Variants in TEKT3 observed in about 807,000 individuals in gnomAD.
TEKT3 encodes tektin 3.
TEKT3 carries 49 observed loss-of-function variants against 49.8 expected under a neutral mutation model. The observed-to-expected ratio is 0.98, with a 90% CI of 0.78 to 1.25. TEKT3 has a LOEUF of 1.25. Ranked by LOEUF, TEKT3 falls within the 50% of genes most tolerant of loss-of-function variation. TEKT3 has a pLI of 0.00. For synonymous variants in TEKT3, 225 were observed against 237.2 expected, an observed-to-expected ratio of 0.95 and a Z score of 0.47; for missense variants, 595 against 629.5, an observed-to-expected ratio of 0.95 and a Z score of 0.59.
At chr17:15,313,281 G>C (rs1483547338) in intron 6 of TEKT3, among the ~76,000 whole-genome samples, 1 of 152,130 alleles carries the variant, frequency 6.6e-6, no homozygotes, top group African/African-American at 2.4e-5. Context: ...TTTCAACTGC[G>C]TGCATTGTAT....
At chr17:15,321,342 T>C (rs1254072102) in intron 4 of TEKT3, among the ~76,000 whole-genome samples, 1 of 152,144 alleles carries the variant, frequency 6.6e-6, no homozygotes, top group Non-Finnish European at 1.5e-5. Flanking sequence ...TTAAATAATG[T>C]CATATGATGA....
Position 15,308,838 on chromosome 17 carries a change from C to T in TEKT3, c.1102-20G>A. ...CAGGGTCTGTGACAAAGAGAAGCAA[C>T]TGCCTGAGGCTTTGGTGTGGTCCCT... On this transcript the variant is annotated intron_variant, in intron 7 of 8. Coordinates refer to ENST00000395930, the MANE Select transcript of TEKT3 (RefSeq NM_031898.3). 6.2e-7 allele frequency: 1 copy of T among 1,609,642 alleles called. No homozygotes were observed. The highest frequency in any genetic ancestry group is 8.5e-7 in the Non-Finnish European group (1 of 1,176,354).
intron 1 of TEKT3, among the ~76,000 whole-genome samples, chr17:15,340,867 TA>T (rs1308621951): frequency 2.6e-5 from 4 of 152,226 alleles, no homozygotes; most frequent in African/African-American, 7.2e-5. Flanking sequence ...TAAAACTGTA[TA>T]TTTTTTTCAC....
intron 2 of TEKT3, among the ~76,000 whole-genome samples, chr17:15,338,011 G>C (rs987541683): frequency 1.3e-5 from 2 of 152,126 alleles, no homozygotes; most frequent in Non-Finnish European, 2.9e-5. Flanking sequence ...CAGTCAAGGA[G>C]ATATAGCAAT....
At chr17:15,314,498 G>A (rs1356587921) in intron 5 of TEKT3, among the ~76,000 whole-genome samples, 1 of 152,154 alleles carries the variant, frequency 6.6e-6, no homozygotes. Flanking sequence ...AGATAAACAG[G>A]GGTCCAGGAT....
chr17:15,321,384 A>C (rs2150743132), intron 4 of TEKT3, among the ~76,000 whole-genome samples: 1 of 152,340 alleles, frequency 6.6e-6, no homozygotes, highest in South Asian at 2.1e-4. Context: ...AAGGGTTCAC[A>C]AGAATACAAA....
At chr17:15,315,774 A>G (rs1910977870) in intron 5 of TEKT3, among the ~76,000 whole-genome samples, 1 of 152,202 alleles carries the variant, frequency 6.6e-6, no homozygotes, top group Admixed American at 6.5e-5. Context: ...TGAAAGAGAC[A>G]TCTAGGCTAG....
At chr17:15,340,913 A>C (rs1912200743) in intron 1 of TEKT3, among the ~76,000 whole-genome samples, 1 of 152,182 alleles carries the variant, frequency 6.6e-6, no homozygotes, top group African/African-American at 2.4e-5. Flanking sequence ...CATTTCCAGG[A>C]TGTTTATTTC....
At chr17:15,329,202 T>C (rs1413422130) in intron 3 of TEKT3, among the ~76,000 whole-genome samples, 1 of 152,252 alleles carries the variant, frequency 6.6e-6, no homozygotes, top group Non-Finnish European at 1.5e-5. Context: ...ATTTAATTTG[T>C]ATTTTATCAT....
chr17:15,306,091 G>A (rs2323654), intron 8 of TEKT3, among the ~76,000 whole-genome samples: 69,920 of 130,624 alleles, frequency 0.54, 16,863 homozygotes, highest in African/African-American at 0.62. Context: ...TTATATATAT[G>A]TGTGTGTGTG....
chr17:15,334,548 C>T (rs536660197), intron 2 of TEKT3, among the ~76,000 whole-genome samples: 1 of 152,300 alleles, frequency 6.6e-6, no homozygotes, highest in East Asian at 1.9e-4. Context: ...GAGGTTTACA[C>T]ACCAGATGAG....
At chr17:15,317,977 C>CTTTTTT (rs371718658) in intron 5 of TEKT3, among the ~76,000 whole-genome samples, 1 of 137,528 alleles carries the variant, frequency 7.3e-6, no homozygotes, top group East Asian at 2.2e-4. Context: ...GGTCGGATCT[C>CTTTTTT]TTTTTTTTTT....
rs752522832 is a variant in TEKT3, at chr17:15,331,262, T to C, written c.324A>G (p.Gln108=). The C allele has an allele frequency of 1.9e-6, 3 of 1,614,106 alleles. No homozygotes were observed. The African/African-American group carries it at 4.0e-5, about 22-fold the overall frequency. The change falls in exon 3 of 9, where the codon CAA becomes CAG. Residue 108 remains glutamine, a synonymous_variant. Transcript: ENST00000395930. The part of the protein sequence containing the change: ...DWYRSNLTNY[Q]ESNTSRHNSE... ...AATTATGTCGGGAAGTGTTGGACTC[T>C]TGATAGTTGGTTAAATTGGACCTGT... is the stretch of plus-strand genomic sequence containing the variant.
At chr17:15,319,294 T>C (rs1911152525) in intron 4 of TEKT3, 147 bp from the exon 5 acceptor site, 2 of 632,110 alleles carry the variant, frequency 3.2e-6, no homozygotes, top group Non-Finnish European at 5.4e-6. Flanking sequence ...CTTCCACTTA[T>C]TTATCTACAT....
intron 1 of TEKT3, among the ~76,000 whole-genome samples, chr17:15,341,315 A>G (rs1322090678): frequency 6.6e-6 from 1 of 152,158 alleles, no homozygotes; most frequent in African/African-American, 2.4e-5. Context: ...AAGGTAAATT[A>G]CGAGGAAACC....
At chr17:15,327,690 C>T (rs1911548373) in intron 4 of TEKT3, 5 of 306,230 alleles carry the variant, frequency 1.6e-5, no homozygotes, top group South Asian at 1.1e-4. Context: ...AAAGATGCAA[C>T]GGAATGGTAG....
intron 2 of TEKT3, among the ~76,000 whole-genome samples, chr17:15,339,673 A>T (rs1159342173): frequency 2.6e-5 from 4 of 152,226 alleles, no homozygotes; most frequent in African/African-American, 9.6e-5. Context: ...TGCAGAAGAC[A>T]CAAGTTTACA....
intron 2 of TEKT3, among the ~76,000 whole-genome samples, chr17:15,334,698 TCA>T (rs1911913261): frequency 6.6e-6 from 1 of 152,212 alleles, no homozygotes; most frequent in Non-Finnish European, 1.5e-5. Context: ...GTAGAACTCC[TCA>T]TGTACGGCAG....
At chr17:15,309,185 A>T (rs768353986) in intron 7 of TEKT3, among the ~76,000 whole-genome samples, 2 of 152,174 alleles carry the variant, frequency 1.3e-5, no homozygotes, top group African/African-American at 2.4e-5. Flanking sequence ...ATTACTGACC[A>T]GCACACCTCT....
Sources: gnomAD v4.1 joint callset for allele counts (sites outside exome capture counted in the v4.1 genomes callset) on GRCh38, gnomAD v4.1.1 for gene constraint, MANE v1.5 for transcripts, NCBI Gene and HGNC (gene_info 2026-07-23, HGNC 2026-07-21) for gene names.